Variants in RBL1 observed in about 807,000 individuals in gnomAD.
RBL1 encodes retinoblastoma-like protein 1.
A neutral mutation model predicts 123.0 loss-of-function variants in RBL1; 82 were observed. That is an observed-to-expected ratio of 0.67 (90% CI 0.56 to 0.80). RBL1 has a LOEUF of 0.80. Ranked by LOEUF, RBL1 falls within the 30% of genes least tolerant of loss-of-function variation. RBL1 has a pLI of 0.00. For synonymous variants in RBL1, 405 were observed against 441.3 expected, an observed-to-expected ratio of 0.92 and a Z score of 1.03; for missense variants, 1,171 against 1,299.6, an observed-to-expected ratio of 0.90 and a Z score of 1.52.
At chr20:37,051,730 GAACA>G (rs1442315344) in intron 11 of RBL1, among the ~76,000 whole-genome samples, 3 of 150,432 alleles carry the variant, frequency 2.0e-5, no homozygotes, top group African/African-American at 7.3e-5. Context: ...AAAAGAGTGA[GAACA>G]AACAGAAAAC....
At chr20:37,033,110 T>C (rs891330478) in intron 15 of RBL1, among the ~76,000 whole-genome samples, 2 of 149,068 alleles carry the variant, frequency 1.3e-5, no homozygotes, top group African/African-American at 5.0e-5. Flanking sequence ...CTCGACCTCC[T>C]GGGCTCAAGT....
chr20:37,053,810 C>G (rs2064959722), intron 11 of RBL1, among the ~76,000 whole-genome samples: 1 of 151,938 alleles, frequency 6.6e-6, no homozygotes, highest in African/African-American at 2.4e-5. Flanking sequence ...TTCAAGTGGC[C>G]ACAGAACATT....
intron 7 of RBL1, among the ~76,000 whole-genome samples, chr20:37,062,884 A>C (rs2065118027): frequency 6.7e-6 from 1 of 149,560 alleles, no homozygotes; most frequent in South Asian, 2.1e-4. Flanking sequence ...TGGGAGGCTG[A>C]GGCAGAAGAA....
intron 3 of RBL1, 146 bp from the exon 4 acceptor site, chr20:37,067,443 C>T: frequency 1.4e-6 from 1 of 713,016 alleles, no homozygotes; most frequent in Non-Finnish European, 2.2e-6. Context: ...ATGAAATGGA[C>T]TTAAGTAAGC....
Position 37,017,651 on chromosome 20 carries a change from T to TGTGTGTGTGTGTGA in RBL1, c.2722+627_2722+628insTCACACACACACAC, listed in dbSNP as rs1234219930. On this transcript the variant is annotated intron_variant, in intron 19 of 21. Transcript: ENST00000373664. ...GTGTGTGTGTGTGTGTGTGTGTGTG[T>TGTGTGTGTGTGTGA]GACAGAGTCTCACTTTGCCGCCAGG... Among the ~76,000 whole-genome samples the TGTGTGTGTGTGTGA allele has an allele frequency of 5.3e-5, 8 of 151,174 alleles. 1 individual carries two copies. The South Asian group carries it at 8.4e-4, about 16-fold the overall frequency.
intron 19 of RBL1, among the ~76,000 whole-genome samples, chr20:37,016,987 G>GGGGAGAGGAGAGGAGAT (rs2064266206): frequency 6.6e-6 from 1 of 151,498 alleles, no homozygotes; most frequent in African/African-American, 2.4e-5. Flanking sequence ...GGAGAGGAGA[G>GGGGAGAGGAGAGGAGAT]GGGAGAGGAG....
At chr20:37,083,921 T>C (rs1408441626) in intron 2 of RBL1, among the ~76,000 whole-genome samples, 1 of 151,710 alleles carries the variant, frequency 6.6e-6, no homozygotes, top group Non-Finnish European at 1.5e-5. Context: ...ATTTTTTTTT[T>C]TTTTTGAGAG....
At chr20:37,079,348 G>A (rs1201270682) in intron 2 of RBL1, among the ~76,000 whole-genome samples, 1 of 151,658 alleles carries the variant, frequency 6.6e-6, no homozygotes, top group Non-Finnish European at 1.5e-5. Context: ...TCTTTTATTT[G>A]GGTCTTTATA....
At chr20:37,066,922 A>C (rs770842011) in intron 5 of RBL1, 38 bp from the exon 6 acceptor site, 5 of 1,598,222 alleles carry the variant, frequency 3.1e-6, no homozygotes, top group Non-Finnish European at 2.6e-6. Flanking sequence ...GGGAAAAAAA[A>C]ATAGTCAACT....
intron 15 of RBL1, among the ~76,000 whole-genome samples, chr20:37,033,880 G>A (rs1259881419): frequency 4.6e-5 from 7 of 151,882 alleles, no homozygotes; most frequent in South Asian, 2.1e-4. Flanking sequence ...GCCTCCCAAA[G>A]TGCTGGGATT....
At chr20:37,074,788 G>C (rs2065338104) in intron 2 of RBL1, among the ~76,000 whole-genome samples, 1 of 152,058 alleles carries the variant, frequency 6.6e-6, no homozygotes, top group South Asian at 2.1e-4. Flanking sequence ...TCATGCCACT[G>C]CACTCCAGCC....
Position 37,012,209 on chromosome 20 carries a change from G to T in RBL1, c.2723-4650C>A, listed in dbSNP as rs555800381. On this transcript the variant is annotated intron_variant, in intron 19 of 21. Transcript: ENST00000373664. The stretch of plus-strand genomic sequence containing the variant: ...GAGTGCAGTGGCGTGATCTCGGCTC[G>T]CTACAACCTCCACCTCCCAGCCGCC... Among the ~76,000 whole-genome samples the T allele has an allele frequency of 3.3e-5, 5 of 152,318 alleles. No individual in the cohort carries two copies. The South Asian group carries it at 1.0e-3, about 32-fold the overall frequency.
chr20:37,013,435 C>A lies in RBL1; in HGVS notation c.2722+4844G>T, dbSNP rs201511000. Among the ~76,000 whole-genome samples, 15 of 151,152 alleles carry A rather than the reference C, an allele frequency of 9.9e-5. No individual in the cohort carries two copies. The South Asian group carries it at 1.5e-3, about 15-fold the overall frequency. ...CACCACTCCCTAATCTCAAGTACCC[C>A]GGGACACAAACACTGCGGAAGGCCG... On this transcript the variant is annotated intron_variant, in intron 19 of 21. Transcript: ENST00000373664.
At chr20:37,079,198 T>G (rs1405179882) in intron 2 of RBL1, among the ~76,000 whole-genome samples, 1 of 106,032 alleles carries the variant, frequency 9.4e-6, no homozygotes, top group Middle Eastern at 6.7e-3. Flanking sequence ...AGACCCTGTC[T>G]CAGCCAAAAA....
At chr20:37,075,460 C>CTTT (rs575871066) in intron 2 of RBL1, among the ~76,000 whole-genome samples, 4 of 148,842 alleles carry the variant, frequency 2.7e-5, no homozygotes, top group African/African-American at 4.9e-5. Context: ...AATTTGTTCA[C>CTTT]TTTTTTTTTT....
chr20:37,001,922 A>T (rs1337280709), intron 21 of RBL1, among the ~76,000 whole-genome samples: 2 of 149,302 alleles, frequency 1.3e-5, no homozygotes, highest in Non-Finnish European at 3.0e-5. Flanking sequence ...GAACAATAAA[A>T]AAAAAAAAAA....
intron 16 of RBL1, among the ~76,000 whole-genome samples, chr20:37,028,930 C>T (rs960226080): frequency 4.5e-4 from 68 of 152,228 alleles, no homozygotes; most frequent in African/African-American, 1.5e-3. Context: ...CTATCTCTTA[C>T]GAATATTGGC....
chr20:37,070,650 A>G (rs1027906668), intron 2 of RBL1, among the ~76,000 whole-genome samples: 1 of 152,158 alleles, frequency 6.6e-6, no homozygotes, highest in Admixed American at 6.5e-5. Context: ...TGGTTCCACA[A>G]CCAAAAGTAA....
chr20:36,998,552 A>G lies in RBL1; in HGVS notation c.*207T>C. ...CTATTAGTATTTTTAAAAGGCACTT[A>G]AAATATTCCTTTCCAATCCAACTCA... is the stretch of plus-strand genomic sequence containing the variant. On this transcript the variant is annotated 3_prime_UTR_variant, in exon 22 of 22. Transcript: ENST00000373664. The G allele has an allele frequency of 1.9e-6, 1 of 516,852 alleles. No homozygotes were observed. The highest frequency in any genetic ancestry group is 3.3e-6 in the Non-Finnish European group (1 of 299,370). 32.0% of individuals were successfully genotyped at this position (516,852 alleles called of 1,614,324 possible).
Sources: allele counts gnomAD v4.1 joint callset (sites outside exome capture counted in the v4.1 genomes callset), GRCh38; gene constraint gnomAD v4.1.1; transcripts MANE v1.5; gene names NCBI Gene and HGNC (gene_info 2026-07-23, HGNC 2026-07-21).